The following TPP2 variants were observed in gnomAD, a reference collection of about 807,000 sequenced individuals.
TPP2 encodes tripeptidyl peptidase 2, also known as tripeptidyl-peptidase 2.
In TPP2, 34 loss-of-function variants were observed where a neutral mutation model predicts 155.9. The ratio of observed to expected loss-of-function variants is 0.22; its 90% CI spans 0.17 to 0.29. The LOEUF (loss-of-function observed/expected upper bound fraction) is 0.29, where lower values mean the gene tolerates loss of function less well. Among genes scored for constraint, TPP2 ranks in the 10% least tolerant of loss-of-function variants. The pLI is 1.00. For synonymous variants in TPP2, 510 were observed against 529.4 expected, an observed-to-expected ratio of 0.96 and a Z score of 0.50; for missense variants, 1,028 against 1,522.3, an observed-to-expected ratio of 0.68 and a Z score of 5.40.
At chr13:102,656,021 C>A (rs1217177926) in intron 24 of TPP2, among the ~76,000 whole-genome samples, 2 of 152,168 alleles carry the variant, frequency 1.3e-5, no homozygotes, top group Non-Finnish European at 2.9e-5. Flanking sequence ...GATCTCAAAT[C>A]TATTCATTTT....
intron 26 of TPP2, 98 bp from the exon 27 acceptor site, chr13:102,664,697 T>G: frequency 8.2e-7 from 1 of 1,222,890 alleles, no homozygotes; most frequent in Non-Finnish European, 1.1e-6. Context: ...TTACTCACAC[T>G]GCAGTTGTAG....
intron 27 of TPP2, among the ~76,000 whole-genome samples, chr13:102,672,426 G>A (rs370246880): frequency 2.0e-5 from 3 of 152,136 alleles, no homozygotes; most frequent in African/African-American, 7.2e-5. Flanking sequence ...GTTATCTGCC[G>A]TTTGCTCTCA....
rs1338435865 is a variant in TPP2, at chr13:102,651,377, C to T, written c.2971C>T (p.Arg991Ter). The part of the protein sequence containing the change: ...GKKAGQSAAK[R>*]QGKFKKDVIP... Reference sequence around the variant, plus strand: ...CTCCCAGGGGCAGTCTGCAGCAAAACGACAAGGAAAATTTAAAAAGGTACT... The same window carrying T: ...CTCCCAGGGGCAGTCTGCAGCAAAATGACAAGGAAAATTTAAAAAGGTACT... The change falls in exon 24 of 30, where the codon CGA becomes TGA. Residue 991 changes from arginine to a stop codon, truncating the protein, a stop_gained. Transcript: ENST00000376052. LOFTEE classifies it high-confidence loss of function. 8.8e-6 allele frequency: 14 copies of T among 1,583,044 alleles called. No individual in the cohort carries two copies. Among genetic ancestry groups the T allele is most frequent in the South Asian group, 1.2e-5 (1 of 86,492 alleles).
chr13:102,664,659 C>A, intron 26 of TPP2, 136 bp from the exon 27 acceptor site: 2 of 823,786 alleles, frequency 2.4e-6, no homozygotes, highest in Non-Finnish European at 3.6e-6. Flanking sequence ...TAGCAGGGAG[C>A]CCCTGGGCTA....
chr13:102,662,347 A>G (rs774344798), intron 25 of TPP2, among the ~76,000 whole-genome samples: 9 of 152,216 alleles, frequency 5.9e-5, no homozygotes, highest in Non-Finnish European at 1.2e-4. Flanking sequence ...ATAGTTACAT[A>G]TATCTGTTAC....
At chr13:102,672,513 A>G (rs1240881028) in intron 27 of TPP2, among the ~76,000 whole-genome samples, 1 of 152,136 alleles carries the variant, frequency 6.6e-6, no homozygotes, top group African/African-American at 2.4e-5. Flanking sequence ...CGGCCTTCCA[A>G]GAAGGTTTGC....
chr13:102,629,708 C>T (rs1881887215), intron 9 of TPP2, 99 bp downstream of exon 9: 1 of 1,417,554 alleles, frequency 7.1e-7, no homozygotes, highest in African/African-American at 1.5e-5. Context: ...ACGTAAGACA[C>T]TGTACACCTT....
intron 8 of TPP2, among the ~76,000 whole-genome samples, chr13:102,628,959 C>A (rs971517332): frequency 6.6e-6 from 1 of 152,078 alleles, no homozygotes; most frequent in African/African-American, 2.4e-5. Flanking sequence ...TCATTTTCTT[C>A]TTCATGGTAT....
intron 29 of TPP2, among the ~76,000 whole-genome samples, chr13:102,677,201 C>T (rs1885325168): frequency 6.6e-6 from 1 of 152,128 alleles, no homozygotes; most frequent in African/African-American, 2.4e-5. Flanking sequence ...TTAGCTCCTC[C>T]AGATCTTTGA....
intron 5 of TPP2, among the ~76,000 whole-genome samples, chr13:102,622,359 G>A (rs1424601061): frequency 6.6e-6 from 1 of 152,122 alleles, no homozygotes; most frequent in African/African-American, 2.4e-5. Flanking sequence ...TTAGTAAAAT[G>A]GAAAAAACAT....
At chr13:102,639,332 A>G (rs375497327) in intron 15 of TPP2, among the ~76,000 whole-genome samples, 51 of 152,300 alleles carry the variant, frequency 3.3e-4, no homozygotes, top group African/African-American at 1.1e-3. Flanking sequence ...TAAGTATGCA[A>G]TAGATCTCAG....
intron 1 of TPP2, 102 bp downstream of exon 1, chr13:102,597,305 G>A (rs1879033854): frequency 3.0e-6 from 2 of 677,238 alleles, no homozygotes; most frequent in African/African-American, 3.8e-5. Context: ...CCGCTCTGCG[G>A]CCGAGTCCGG....
At chr13:102,624,119 G>A (rs1881377337) in intron 6 of TPP2, among the ~76,000 whole-genome samples, 1 of 152,116 alleles carries the variant, frequency 6.6e-6, no homozygotes, top group East Asian at 1.9e-4. Flanking sequence ...AATATGTACT[G>A]ATGATAAAAC....
intron 24 of TPP2, among the ~76,000 whole-genome samples, chr13:102,654,024 CT>C (rs1883681652): frequency 6.6e-6 from 1 of 152,098 alleles, no homozygotes. Flanking sequence ...CATTTCTGCT[CT>C]GAAGATTCTT....
At chr13:102,667,863 G>A in intron 27 of TPP2, 1 of 976,108 alleles carries the variant, frequency 1.0e-6, no homozygotes, top group Non-Finnish European at 1.2e-6. Context: ...AGCGACGGAT[G>A]AAAGGAGTGC....
chr13:102,639,398 T>C (rs619602), intron 15 of TPP2, among the ~76,000 whole-genome samples: 75,216 of 151,900 alleles, frequency 0.5, 19,038 homozygotes, highest in African/African-American at 0.6. Flanking sequence ...GTGGTATACA[T>C]GTGGAAAAAT....
intron 24 of TPP2, chr13:102,655,038 C>T (rs192831576): frequency 3.2e-5 from 16 of 501,086 alleles, no homozygotes; most frequent in African/African-American, 3.1e-4. Context: ...TTCTGGCCCC[C>T]TGACCTCAGA....
intron 1 of TPP2, among the ~76,000 whole-genome samples, chr13:102,600,210 T>G (rs537886523): frequency 1.3e-5 from 2 of 152,164 alleles, no homozygotes; most frequent in Non-Finnish European, 2.9e-5. Context: ...GAACATTTCA[T>G]TCTTACACTC....
In TPP2 at chr13:102,679,580, G is replaced by A. The variant is rs1016794486; in HGVS notation, c.*1264G>A. On this transcript the variant is annotated 3_prime_UTR_variant, in exon 30 of 30. Coordinates refer to ENST00000376052, the MANE Select transcript of TPP2 (RefSeq NM_001330588.2). ...CTGCTGTATCTCATGAAGTGTTAGA[G>A]CGTTTATGAGAAACATAAATACATG... The A allele has an allele frequency of 1.3e-5, 2 of 152,146 alleles. No homozygotes were observed. The highest frequency in any genetic ancestry group is 2.9e-5 in the Non-Finnish European group (2 of 68,030). The allele number at this position is 152,146 out of a possible 1,614,324, so 9.4% of individuals were successfully genotyped here.
Sources: allele counts gnomAD v4.1 joint callset (sites outside exome capture counted in the v4.1 genomes callset), GRCh38; gene constraint gnomAD v4.1.1; transcripts MANE v1.5; gene names NCBI Gene and HGNC (gene_info 2026-07-23, HGNC 2026-07-21).